The following OMA1 variants were observed in gnomAD, a reference collection of about 807,000 sequenced individuals.
OMA1 encodes the protein OMA1 zinc metallopeptidase, also known as metalloendopeptidase OMA1, mitochondrial.
OMA1 carries 38 observed loss-of-function variants against 30.9 expected under a neutral mutation model. The observed-to-expected ratio is 1.23, with a 90% CI of 0.95 to 1.61. The LOEUF (loss-of-function observed/expected upper bound fraction) is 1.61. OMA1 is among the 40% of genes most tolerant of loss of function. The probability of loss-of-function intolerance (pLI) is 0.00; values close to 1 mark genes in which losing one functional copy is unlikely to be tolerated. For missense variants in OMA1, 461 were observed against 349.2 expected, an observed-to-expected ratio of 1.32 and a Z score of -2.55; for synonymous variants, 173 against 121.9, an observed-to-expected ratio of 1.42 and a Z score of -2.76.
chr1:58,504,897 CTTTCT>C (rs1274818377), intron 8 of OMA1, among the ~76,000 whole-genome samples: 6 of 151,996 alleles, frequency 3.9e-5, no homozygotes, highest in Admixed American at 6.5e-5. Flanking sequence ...AGCATCATTT[CTTTCT>C]TTTAAGAGGT....
intron 8 of OMA1, among the ~76,000 whole-genome samples, chr1:58,493,386 T>C (rs1335457952): frequency 4.6e-5 from 7 of 152,092 alleles, no homozygotes. Context: ...TCACCACTCC[T>C]ATTCAACATA....
chr1:58,505,614 T>C (rs950574764), intron 8 of OMA1, among the ~76,000 whole-genome samples: 32 of 152,154 alleles, frequency 2.1e-4, no homozygotes, highest in African/African-American at 7.5e-4. Context: ...AAGATTTTTT[T>C]TCCTAAAAAA....
At chr1:58,484,225 C>T (rs1435159619) in intron 8 of OMA1, among the ~76,000 whole-genome samples, 1 of 152,148 alleles carries the variant, frequency 6.6e-6, no homozygotes, top group Non-Finnish European at 1.5e-5. Flanking sequence ...TAGAATTGTT[C>T]CCACAGTTGT....
intron 8 of OMA1, among the ~76,000 whole-genome samples, chr1:58,491,100 C>G (rs1645679898): frequency 1.3e-5 from 2 of 151,978 alleles, no homozygotes; most frequent in Non-Finnish European, 2.9e-5. Context: ...AACCACTGCA[C>G]CCGGCCCTTC....
intron 3 of OMA1, among the ~76,000 whole-genome samples, chr1:58,535,816 A>G (rs1313363907): frequency 2.0e-5 from 3 of 152,114 alleles, no homozygotes; most frequent in Non-Finnish European, 4.4e-5. Context: ...CTTCTAAATT[A>G]TAACTTAAAT....
chr1:58,490,226 C>G (rs1025199716), intron 8 of OMA1, among the ~76,000 whole-genome samples: 7 of 152,108 alleles, frequency 4.6e-5, no homozygotes, highest in African/African-American at 1.7e-4. Context: ...ACTAGAATAA[C>G]CAATGCAGAG....
At chr1:58,488,698 C>T (rs1645619810) in intron 8 of OMA1, among the ~76,000 whole-genome samples, 1 of 152,204 alleles carries the variant, frequency 6.6e-6, no homozygotes, top group Admixed American at 6.5e-5. Flanking sequence ...GTATCTCCTG[C>T]CTCGGCCTCC....
intron 1 of OMA1, among the ~76,000 whole-genome samples, chr1:58,540,729 G>A (rs1171086582): frequency 6.6e-6 from 1 of 150,974 alleles, no homozygotes; most frequent in African/African-American, 2.4e-5. Context: ...AAAAGGCACA[G>A]GGCATCAATG....
chr1:58,536,826 G>C (rs749135893), intron 2 of OMA1, 85 bp from the exon 3 acceptor site: 1 of 727,730 alleles, frequency 1.4e-6, no homozygotes, highest in Non-Finnish European at 2.4e-6. Flanking sequence ...AGAATTTTAC[G>C]TCCTCAAATA....
At position 58,517,336 on chromosome 1, in the gene OMA1, C is replaced by T. The variant is rs1646173218; in HGVS notation, c.1215+9925G>A. Among the ~76,000 whole-genome samples, 3 of 152,184 alleles carry T rather than the reference C, an allele frequency of 2.0e-5. No individual in the cohort carries two copies. The South Asian group carries it at 6.2e-4, about 32-fold the overall frequency. On this transcript the variant is annotated intron_variant, in intron 7 of 8. Transcript: ENST00000371226. ...CATTGGTGCTCTTGAATTCTGTTGA[C>T]ATTTTAACCACAACAAATTTTCAAT...
intron 8 of OMA1, among the ~76,000 whole-genome samples, chr1:58,491,498 G>C (rs1569880696): frequency 6.6e-6 from 1 of 152,244 alleles, no homozygotes; most frequent in Admixed American, 6.5e-5. Flanking sequence ...AGACCCATCA[G>C]TGTGCTGTAT....
At chr1:58,528,175 A>G (rs11809508) in intron 6 of OMA1, among the ~76,000 whole-genome samples, 20,222 of 152,252 alleles carry the variant, frequency 0.13, 1,483 homozygotes, top group African/African-American at 0.19. Flanking sequence ...ATATCATATA[A>G]TGCCTTCACT....
intron 7 of OMA1, among the ~76,000 whole-genome samples, chr1:58,523,565 T>C (rs1646300722): frequency 6.6e-6 from 1 of 152,124 alleles, no homozygotes. Flanking sequence ...GTTGAACTCA[T>C]GGGGTTCCAG....
At chr1:58,518,272 G>A (rs141377546) in intron 7 of OMA1, among the ~76,000 whole-genome samples, 8 of 650 alleles carry the variant, frequency 0.012, 3 homozygotes, top group Admixed American at 0.053. Context: ...AGAGGAGAGA[G>A]GAGAGGAGAA....
chr1:58,523,409 A>G (rs761093554), intron 7 of OMA1, among the ~76,000 whole-genome samples: 11 of 152,108 alleles, frequency 7.2e-5, no homozygotes, highest in Non-Finnish European at 1.0e-4. Context: ...ATAATGTTCT[A>G]TCGGGGTTCT....
At chr1:58,502,895 T>G (rs1237944521) in intron 8 of OMA1, among the ~76,000 whole-genome samples, 1 of 152,344 alleles carries the variant, frequency 6.6e-6, no homozygotes, top group East Asian at 1.9e-4. Context: ...TCAAATTAAG[T>G]TTCTGAACTA....
At chr1:58,527,221 G>A (rs772217197) in intron 7 of OMA1, 40 bp downstream of exon 7, 3 of 858,454 alleles carry the variant, frequency 3.5e-6, no homozygotes, top group Admixed American at 1.7e-5. Flanking sequence ...CTTTCAGCCT[G>A]GGAAGGGCAT....
rs71043289 is a variant in OMA1, at chr1:58,485,228, T to TAAAAAAAAAA, written c.1366-4064_1366-4055dup. On this transcript the variant is annotated intron_variant, in intron 8 of 8. Transcript: ENST00000371226. ...GTCTAAAAATAAAAGAGTCTACTAC[T>TAAAAAAAAAA]AAAAAAAAAAAAAAAAAAAAAAAAA... 8.0e-3 allele frequency among the ~76,000 whole-genome samples: 337 copies of TAAAAAAAAAA among 42,022 alleles called. 10 individuals are homozygous for TAAAAAAAAAA. The highest frequency in any genetic ancestry group is 0.012 in the Non-Finnish European group (281 of 24,112). The allele number at this position is 42,022 out of a possible 152,430, so 27.6% of individuals were successfully genotyped here.
Position 58,522,689 on chromosome 1 carries a change from T to A in OMA1, c.1215+4572A>T, listed in dbSNP as rs557707282. ...CAAAACCTAACTACTAATAGCCTAC[T>A]GTTGACCTTGCCAGTAACACAGTAA... is the stretch of plus-strand genomic sequence containing the variant. On this transcript the variant is annotated intron_variant, in intron 7 of 8. Transcript: ENST00000371226. 1.6e-3 allele frequency among the ~76,000 whole-genome samples: 242 copies of A among 152,352 alleles called. 2 individuals are homozygous for A. Among genetic ancestry groups the A allele is most frequent in the Non-Finnish European group, 2.7e-3 (185 of 68,032 alleles).
Sources: allele counts gnomAD v4.1 joint callset (sites outside exome capture counted in the v4.1 genomes callset), GRCh38; gene constraint gnomAD v4.1.1; transcripts MANE v1.5; gene names NCBI Gene and HGNC (gene_info 2026-07-23, HGNC 2026-07-21).